Variants in PPY observed in about 807,000 individuals in gnomAD.
The protein encoded by PPY is pancreatic polypeptide prohormone.
PPY carries 6 observed loss-of-function variants against 9.3 expected under a neutral mutation model. That is an observed-to-expected ratio of 0.64 (90% CI 0.35 to 1.27). The LOEUF is 1.27. Ranked by LOEUF, PPY falls within the 50% of genes most tolerant of loss-of-function variation. The probability of loss-of-function intolerance (pLI) is 0.03; values close to 1 mark genes in which losing one functional copy is unlikely to be tolerated. For missense variants in PPY, 109 were observed against 119.1 expected (o/e 0.91, Z 0.40); for synonymous variants, 58 against 54.6 (o/e 1.06, Z -0.27).
At position 43,942,105 on chromosome 17, in the gene PPY, T is replaced by C; in HGVS notation, c.-1+316A>G. Reference sequence around the variant, plus strand: ...CCACCCTGCGATAGAGACACAGATATCGGTCCTGGAGAAGACGCTACTGTC... The same window carrying C: ...CCACCCTGCGATAGAGACACAGATACCGGTCCTGGAGAAGACGCTACTGTC... On this transcript the variant is annotated intron_variant, in intron 1 of 3. Coordinates refer to ENST00000225992, the MANE Select transcript of PPY (RefSeq NM_002722.5). This position sits in a 1 kb window ranked among gnomAD's most constrained non-coding sequence, Gnocchi z 5.3. 4.5e-6 allele frequency: 1 copy of C among 222,514 alleles called. No homozygotes were observed. The highest frequency in any genetic ancestry group is 8.1e-5 in the South Asian group (1 of 12,416). 13.8% of individuals were successfully genotyped at this position (222,514 alleles called of 1,614,324 possible).
intron 1 of PPY, among the ~76,000 whole-genome samples, 153 bp from the exon 2 acceptor site, chr17:43,941,807 C>T (rs903022362): frequency 6.6e-6 from 1 of 152,168 alleles, no homozygotes; most frequent in African/African-American, 2.4e-5. Flanking sequence ...CCAAGCTGGC[C>T]ACTCCACCTC....
intron 2 of PPY, 121 bp downstream of exon 2, chr17:43,941,343 T>C: frequency 6.6e-7 from 1 of 1,526,716 alleles, no homozygotes. Flanking sequence ...GATGCCCTGT[T>C]TTCCCAAGAG....
rs556751907 is a variant in PPY at position 43,942,057 on chromosome 17, C to T, written c.-1+364G>A. 8.1e-6 allele frequency: 2 copies of T among 246,828 alleles called. No individual in the cohort carries two copies. Among genetic ancestry groups the T allele is most frequent in the Admixed American group, 4.7e-5 (1 of 21,138 alleles). 15.3% of individuals were successfully genotyped at this position (246,828 alleles called of 1,614,324 possible). On this transcript the variant is annotated intron_variant, in intron 1 of 3. Coordinates refer to ENST00000225992, the MANE Select transcript of PPY (RefSeq NM_002722.5). The surrounding 1 kb of genome is among the most constrained non-coding windows in gnomAD (Gnocchi z 5.3). ...ACTCGGGAAGCCAAGGACAGAAATCCATGGCCTTGTGGGTCTGGCCCTCCA... is the reference window on the plus strand; with the variant it reads ...ACTCGGGAAGCCAAGGACAGAAATCTATGGCCTTGTGGGTCTGGCCCTCCA...
At chr17:43,943,305 G>A (rs2048589947), upstream of PPY, among the ~76,000 whole-genome samples, 1 of 152,044 alleles carries the variant, frequency 6.6e-6, no homozygotes, top group Non-Finnish European at 1.5e-5. Context: ...TCAAATCACT[G>A]GCCCCAAACC....
chr17:43,941,166 C>T lies in PPY; in HGVS notation c.240G>A (p.Gly80=). ...KEDTLAFSEW[G]SPHAAVPREL... is the part of the protein sequence containing the mutation. ...ACCTGGGGACAGCAGCATGCGGGGA[C>T]CCCCACTCCGAGAAGGCCAGCGTGT... The change falls in exon 3 of 4, where the codon GGG becomes GGA. Residue 80 remains glycine (G), a synonymous_variant. Transcript: ENST00000225992. 2 of 1,551,638 alleles carry T rather than the reference C, an allele frequency of 1.3e-6. No individual in the cohort carries two copies. Among genetic ancestry groups the T allele is most frequent in the South Asian group, 1.2e-5 (1 of 84,058 alleles).
chr17:43,941,355 A>G (rs2048576109), intron 2 of PPY, 109 bp downstream of exon 2: 1 of 1,542,308 alleles, frequency 6.5e-7, no homozygotes, highest in Non-Finnish European at 8.9e-7. Context: ...TCCCAAGAGC[A>G]GGCCTGGAAG....
At chr17:43,942,863 C>T (rs2048587693), upstream of PPY, among the ~76,000 whole-genome samples, 1 of 152,200 alleles carries the variant, frequency 6.6e-6, no homozygotes, top group African/African-American at 2.4e-5. The surrounding 1 kb of genome is among the most constrained non-coding windows in gnomAD (Gnocchi z 5.3). Flanking sequence ...AACGGATTCT[C>T]TTGGGGCAGA....
chr17:43,943,515 C>T (rs2048591227), upstream of PPY, among the ~76,000 whole-genome samples: 1 of 152,154 alleles, frequency 6.6e-6, no homozygotes, highest in Non-Finnish European at 1.5e-5. Context: ...ACTAATCCAT[C>T]CCCACCAGAA....
At position 43,942,455 on chromosome 17, in the gene PPY, G is replaced by A. The variant is rs1433744213; in HGVS notation, c.-35C>T. 3 of 152,222 alleles carry A rather than the reference G, an allele frequency of 2.0e-5. No individual in the cohort carries two copies. The highest frequency in any genetic ancestry group is 1.9e-4 in the East Asian group (1 of 5,186). 9.4% of individuals were successfully genotyped at this position (152,222 alleles called of 1,614,324 possible). ...AGAGTAAATGGGCACTAGACCAAGC[G>A]AGCACCTGCCTCAGGCCGGATGGGC... On this transcript the variant is annotated 5_prime_UTR_variant, in exon 1 of 4. Transcript: ENST00000225992. This position sits in a 1 kb window ranked among gnomAD's most constrained non-coding sequence, Gnocchi z 5.3.
chr17:43,941,691 C>T, intron 1 of PPY, 37 bp from the exon 2 acceptor site: 1 of 1,547,442 alleles, frequency 6.5e-7, no homozygotes, highest in South Asian at 1.2e-5. Flanking sequence ...AGAGCCCGGG[C>T]TGCAGATTTT....
rs2143866637 is a variant in PPY, at chr17:43,940,804, T to C, written c.*124A>G. On this transcript the variant is annotated 3_prime_UTR_variant, in exon 4 of 4. Transcript: ENST00000225992. The stretch of plus-strand genomic sequence containing the variant: ...GTCCACAGAGACACAGGACAGGCTG[T>C]GGCTTTGACTTGCTTTATTGAGCCT... 7.3e-7 allele frequency: 1 copy of C among 1,360,712 alleles called. No individual in the cohort carries two copies. The highest frequency in any genetic ancestry group is 2.5e-5 in the East Asian group (1 of 39,922). The allele number at this position is 1,360,712 out of a possible 1,614,324, so 84.3% of individuals were successfully genotyped here.
chr17:43,941,278 C>A, intron 2 of PPY, 64 bp from the exon 3 acceptor site: 1 of 1,531,480 alleles, frequency 6.5e-7, no homozygotes, highest in Non-Finnish European at 8.8e-7. Context: ...TGTTTCATAT[C>A]TGCCTGTAGG....
upstream of PPY, among the ~76,000 whole-genome samples, chr17:43,942,649 C>T (rs2048586803): frequency 6.6e-6 from 1 of 152,216 alleles, no homozygotes; most frequent in African/African-American, 2.4e-5. The surrounding 1 kb of genome is among the most constrained non-coding windows in gnomAD (Gnocchi z 5.3). Context: ...TCTGTGGGTG[C>T]CAGACCAGCA....
chr17:43,941,380 G>T lies in PPY; in HGVS notation c.191+84C>A, dbSNP rs553238428. 12 of 1,586,680 alleles carry T rather than the reference G, an allele frequency of 7.6e-6. No homozygotes were observed. In the Admixed American group the frequency reaches 1.5e-4, roughly 20 times the overall value. Reference sequence around the variant, plus strand: ...AGGCCTGGAAGGGGCTGGGGCTGGGGCTGGGGATAGGGTGTGGCCAGGAAT... The same window carrying T: ...AGGCCTGGAAGGGGCTGGGGCTGGGTCTGGGGATAGGGTGTGGCCAGGAAT... On this transcript the variant is annotated intron_variant, in intron 2 of 3. Coordinates refer to ENST00000225992, the MANE Select transcript of PPY (RefSeq NM_002722.5).
At chr17:43,943,044 C>G (rs904889645), upstream of PPY, among the ~76,000 whole-genome samples, 1 of 152,090 alleles carries the variant, frequency 6.6e-6, no homozygotes, top group African/African-American at 2.4e-5. Flanking sequence ...TTGGAGAAAC[C>G]CATTTGGTGG....
chr17:43,940,997 G>T, intron 3 of PPY, 45 bp from the exon 4 acceptor site: 1 of 1,588,558 alleles, frequency 6.3e-7, no homozygotes, highest in Non-Finnish European at 8.6e-7. Context: ...GGTAGGCCTC[G>T]TGCCCTCAGG....
chr17:43,941,181 G>T lies in PPY; in HGVS notation c.225C>A (p.Ala75=), dbSNP rs1375183838. Residue 75 remains alanine (A), a synonymous_variant, in exon 3 of 4, where the codon GCC becomes GCA. Coordinates refer to ENST00000225992, the MANE Select transcript of PPY (RefSeq NM_002722.5). ...CATGCGGGGACCCCCACTCCGAGAA[G>T]GCCAGCGTGTCCTCTTTGTGTCTTT... ...YGKRHKEDTL[A]FSEWGSPHAA... is the part of the protein sequence containing the mutation. 1 of 1,551,702 alleles carries T rather than the reference G, an allele frequency of 6.4e-7. No individual in the cohort carries two copies. The highest frequency in any genetic ancestry group is 8.7e-7 in the Non-Finnish European group (1 of 1,147,000).
chr17:43,943,218 T>C (rs2048589550), upstream of PPY, among the ~76,000 whole-genome samples: 1 of 152,178 alleles, frequency 6.6e-6, no homozygotes, highest in Non-Finnish European at 1.5e-5. Context: ...TCCAAAGTGC[T>C]GCCAGCTCAG....
At chr17:43,943,277 G>A (rs901406731), upstream of PPY, among the ~76,000 whole-genome samples, 2 of 152,134 alleles carry the variant, frequency 1.3e-5, no homozygotes, top group Non-Finnish European at 2.9e-5. Flanking sequence ...TTCAGGATCT[G>A]AAATCTGCTC....
Sources: allele counts gnomAD v4.1 joint callset (sites outside exome capture counted in the v4.1 genomes callset), GRCh38; gene constraint gnomAD v4.1.1; non-coding constraint Gnocchi (gnomAD v3.1); transcripts MANE v1.5; gene names NCBI Gene and HGNC (gene_info 2026-07-23, HGNC 2026-07-21).